The following SLC24A2 variants were observed in gnomAD, a reference collection of about 807,000 sequenced individuals.
SLC24A2 encodes solute carrier family 24 member 2.
In SLC24A2, 36 loss-of-function variants were observed where a neutral mutation model predicts 62.0. That is an observed-to-expected ratio of 0.58 (90% CI 0.44 to 0.77). SLC24A2 has a LOEUF of 0.77. Ranked by LOEUF, SLC24A2 falls within the 30% of genes least tolerant of loss-of-function variation. The probability of loss-of-function intolerance (pLI) is 0.00; values close to 1 mark genes in which losing one functional copy is unlikely to be tolerated. For missense variants in SLC24A2, 846 were observed against 817.9 expected (o/e 1.03, Z -0.42); for synonymous variants, 358 against 294.0 (o/e 1.22, Z -2.23).
At chr9:19,842,871 G>A in the SLC24A2 span, among the ~76,000 whole-genome samples, 1 of 151,972 alleles carries the variant, frequency 6.6e-6, no homozygotes, top group East Asian at 1.9e-4. Flanking sequence ...CAAGTTCCTG[G>A]GGATCTCTCC....
the SLC24A2 span, among the ~76,000 whole-genome samples, chr9:19,872,260 C>T: frequency 6.6e-6 from 1 of 152,156 alleles, no homozygotes; most frequent in African/African-American, 2.4e-5. Context: ...AGATCTCATT[C>T]CATAGACTGC....
chr9:20,277,947 G>A, the SLC24A2 span, among the ~76,000 whole-genome samples: 1 of 152,162 alleles, frequency 6.6e-6, no homozygotes. Context: ...GAACATGGAT[G>A]AAGCTGGAAA....
chr9:20,009,089 G>C, the SLC24A2 span, among the ~76,000 whole-genome samples: 1 of 152,276 alleles, frequency 6.6e-6, no homozygotes, highest in African/African-American at 2.4e-5. Flanking sequence ...CATGCACAAA[G>C]AATTCTGGAC....
intron 2 of SLC24A2, among the ~76,000 whole-genome samples, chr9:19,693,593 C>A (rs1409081364): frequency 6.6e-6 from 1 of 151,866 alleles, no homozygotes; most frequent in Non-Finnish European, 1.5e-5. Flanking sequence ...GGTGTTTTTT[C>A]CAATCAAGTA....
chr9:20,131,273 C>T, the SLC24A2 span, among the ~76,000 whole-genome samples: 776 of 152,186 alleles, frequency 5.1e-3, 7 homozygotes, highest in African/African-American at 0.018. Context: ...AATGTAAGCC[C>T]AGACAGGGCG....
chr9:20,227,619 T>A, the SLC24A2 span, among the ~76,000 whole-genome samples: 3 of 150,056 alleles, frequency 2.0e-5, no homozygotes, highest in East Asian at 6.1e-4. Flanking sequence ...ACTATTAATA[T>A]AACAAAAATA....
At chr9:19,867,480 A>G in the SLC24A2 span, among the ~76,000 whole-genome samples, 119 of 152,206 alleles carry the variant, frequency 7.8e-4, no homozygotes, top group Middle Eastern at 3.4e-3. Context: ...AATTGTCGTA[A>G]TATTCCTTTT....
chr9:20,188,319 G>A, the SLC24A2 span, among the ~76,000 whole-genome samples: 1 of 152,068 alleles, frequency 6.6e-6, no homozygotes, highest in Admixed American at 6.5e-5. Flanking sequence ...CTGAGGAGTG[G>A]GCCAGCCTTA....
the SLC24A2 span, among the ~76,000 whole-genome samples, chr9:19,801,650 C>A: frequency 4.6e-5 from 7 of 152,240 alleles, no homozygotes; most frequent in East Asian, 1.2e-3. Flanking sequence ...ATTTCTTTAC[C>A]TTCTGTTTTT....
chr9:19,801,447 A>G, the SLC24A2 span, among the ~76,000 whole-genome samples: 5 of 152,226 alleles, frequency 3.3e-5, no homozygotes, highest in African/African-American at 1.2e-4. Context: ...GTGGACGGTG[A>G]GCAAAAGCTC....
chr9:19,637,550 C>T (rs1398244886), intron 2 of SLC24A2, among the ~76,000 whole-genome samples: 1 of 152,176 alleles, frequency 6.6e-6, no homozygotes, highest in Non-Finnish European at 1.5e-5. Flanking sequence ...CTCCTTTTTA[C>T]CTGACTGGTC....
intron 2 of SLC24A2, among the ~76,000 whole-genome samples, chr9:19,661,592 T>A (rs1819102959): frequency 6.6e-6 from 1 of 152,236 alleles, no homozygotes; most frequent in Non-Finnish European, 1.5e-5. Flanking sequence ...CATATCTTCC[T>A]TGAACACATT....
At chr9:20,285,322 G>C in the SLC24A2 span, among the ~76,000 whole-genome samples, 1 of 152,200 alleles carries the variant, frequency 6.6e-6, no homozygotes, top group Non-Finnish European at 1.5e-5. Flanking sequence ...ATAAGGAGTT[G>C]GCTTGTGTGA....
chr9:20,123,585 T>C, the SLC24A2 span, among the ~76,000 whole-genome samples: 1 of 152,156 alleles, frequency 6.6e-6, no homozygotes. Flanking sequence ...TACTGAACTT[T>C]TATCAATTAC....
the SLC24A2 span, among the ~76,000 whole-genome samples, chr9:19,991,494 AC>A: frequency 2.0e-5 from 3 of 152,008 alleles, no homozygotes; most frequent in Non-Finnish European, 4.4e-5. Flanking sequence ...TCACAGACAC[AC>A]CCGGGAACAA....
At chr9:19,982,409 G>A in the SLC24A2 span, among the ~76,000 whole-genome samples, 1 of 152,254 alleles carries the variant, frequency 6.6e-6, no homozygotes, top group African/African-American at 2.4e-5. Flanking sequence ...TCATAAACAG[G>A]AGTTTACATT....
the SLC24A2 span, among the ~76,000 whole-genome samples, chr9:20,059,858 C>T: frequency 1.3e-5 from 2 of 151,894 alleles, no homozygotes; most frequent in African/African-American, 4.8e-5. Flanking sequence ...ATCAACGAAA[C>T]CAAAAGTTGG....
chr9:20,219,428 G>T, the SLC24A2 span, among the ~76,000 whole-genome samples: 44 of 152,268 alleles, frequency 2.9e-4, no homozygotes, highest in African/African-American at 9.4e-4. Flanking sequence ...GGGCTGAATT[G>T]TACTTCTACA....
the SLC24A2 span, among the ~76,000 whole-genome samples, chr9:20,123,289 G>T: frequency 6.6e-6 from 1 of 152,036 alleles, no homozygotes; most frequent in Non-Finnish European, 1.5e-5. Flanking sequence ...CCTCCCAAAG[G>T]CCCCACTGCC....
Sources: allele counts gnomAD v4.1 joint callset (sites outside exome capture counted in the v4.1 genomes callset), GRCh38; gene constraint gnomAD v4.1.1; transcripts MANE v1.5; gene names NCBI Gene and HGNC (gene_info 2026-07-23, HGNC 2026-07-21).